Variants in PRCC observed in about 807,000 individuals in gnomAD.
PRCC encodes the protein proline-rich protein PRCC.
In PRCC, 10 loss-of-function variants were observed where a neutral mutation model predicts 44.0. The ratio of observed to expected loss-of-function variants is 0.23; its 90% CI spans 0.14 to 0.39. The LOEUF is 0.39. Ranked by LOEUF, PRCC falls within the 10% of genes least tolerant of loss-of-function variation. PRCC has a pLI of 1.00. For missense variants in PRCC, 573 were observed against 624.7 expected (o/e 0.92, Z 0.88); for synonymous variants, 278 against 259.5 (o/e 1.07, Z -0.69).
intron 6 of PRCC, among the ~76,000 whole-genome samples, chr1:156,797,943 T>TG (rs1285767319): frequency 6.6e-5 from 10 of 151,426 alleles, no homozygotes; most frequent in Non-Finnish European, 1.3e-4. Context: ...CGTATAACAT[T>TG]TTTTTTTTCC....
At chr1:156,797,162 CA>C in intron 5 of PRCC, 113 bp from the exon 6 acceptor site, 3 of 1,248,124 alleles carry the variant, frequency 2.4e-6, no homozygotes, top group Non-Finnish European at 3.5e-6. Flanking sequence ...TTTTCTCCCC[CA>C]GGATTTGGGC....
At chr1:156,774,197 A>G (rs1251512581) in intron 1 of PRCC, among the ~76,000 whole-genome samples, 1 of 42,212 alleles carries the variant, frequency 2.4e-5, no homozygotes, top group East Asian at 1.4e-3. Context: ...TTTTTTTGAG[A>G]CAGAGTCTCT....
chr1:156,780,001 G>A (rs531306410), intron 1 of PRCC, among the ~76,000 whole-genome samples: 2 of 151,738 alleles, frequency 1.3e-5, no homozygotes, highest in South Asian at 4.2e-4. Flanking sequence ...AGCAATTCTT[G>A]TACCTCAGCC....
chr1:156,788,273 A>G (rs554050630), intron 3 of PRCC, among the ~76,000 whole-genome samples: 10 of 152,226 alleles, frequency 6.6e-5, no homozygotes, highest in Admixed American at 2.0e-4. Flanking sequence ...TTCTGTTTCT[A>G]TGTTAATTTG....
chr1:156,779,128 ATTTTTT>A (rs869088692), intron 1 of PRCC, among the ~76,000 whole-genome samples: 181 of 35,708 alleles, frequency 5.1e-3, no homozygotes, highest in South Asian at 0.019. Context: ...ATATATATAT[ATTTTTT>A]TTTTTTTTTT....
At chr1:156,769,288 C>T (rs1405687362) in intron 1 of PRCC, among the ~76,000 whole-genome samples, 1 of 152,250 alleles carries the variant, frequency 6.6e-6, no homozygotes, top group Non-Finnish European at 1.5e-5. Flanking sequence ...GAGGACTTCC[C>T]TAGCCTACTA....
chr1:156,791,050 CCCT>C, intron 3 of PRCC: 1 of 1,365,970 alleles, frequency 7.3e-7, no homozygotes, highest in Non-Finnish European at 9.9e-7. Flanking sequence ...CTTGCCTTCA[CCCT>C]CCTCTTCCTC....
intron 1 of PRCC, among the ~76,000 whole-genome samples, chr1:156,771,935 T>C (rs1016650612): frequency 6.6e-6 from 1 of 152,190 alleles, no homozygotes; most frequent in Non-Finnish European, 1.5e-5. Context: ...TTTGCACATC[T>C]GATTCATTTT....
intron 1 of PRCC, 26 bp from the exon 2 acceptor site, chr1:156,782,256 C>G (rs2274503): frequency 0.67 from 1,057,663 of 1,568,330 alleles, 359,331 homozygotes; most frequent in East Asian, 0.82. Context: ...AACAGTGAGG[C>G]CTTACTTCAT....
At chr1:156,799,373 T>A (rs1415601044) in intron 6 of PRCC, among the ~76,000 whole-genome samples, 1 of 151,500 alleles carries the variant, frequency 6.6e-6, no homozygotes, top group Non-Finnish European at 1.5e-5. Flanking sequence ...AAAACCCATG[T>A]ATGAGTGGAC....
intron 1 of PRCC, among the ~76,000 whole-genome samples, chr1:156,772,127 G>A (rs920196263): frequency 6.6e-6 from 1 of 152,164 alleles, no homozygotes; most frequent in African/African-American, 2.4e-5. Flanking sequence ...CCAAAGTGCT[G>A]GGATTACAGG....
At chr1:156,769,382 G>A (rs536660043) in intron 1 of PRCC, among the ~76,000 whole-genome samples, 51 of 151,920 alleles carry the variant, frequency 3.4e-4, no homozygotes, top group South Asian at 3.1e-3. Context: ...AACATCATCT[G>A]TCCTCCCACT....
Position 156,767,567 on chromosome 1 carries a change from G to C in PRCC, c.-205G>C. ...AGCTGTGTGTAGTTGCCCGGGACTA[G>C]GAGCTTAAGTGAAGAGGTACGCCTT... On this transcript the variant is annotated 5_prime_UTR_variant, in exon 1 of 7. Coordinates refer to ENST00000271526, the MANE Select transcript of PRCC (RefSeq NM_005973.5). 1 of 594,372 alleles carries C rather than the reference G, an allele frequency of 1.7e-6. No individual in the cohort carries two copies. The highest frequency in any genetic ancestry group is 3.1e-5 in the Admixed American group (1 of 31,746). The allele number at this position is 594,372 out of a possible 1,614,324, so 36.8% of individuals were successfully genotyped here. A position where few individuals can be genotyped will look rare whatever the true frequency, so the allele number is the denominator to read the frequency against.
chr1:156,782,200 A>G (rs879029085), intron 1 of PRCC, 82 bp from the exon 2 acceptor site: 38 of 1,321,408 alleles, frequency 2.9e-5, no homozygotes, highest in South Asian at 5.1e-5. Flanking sequence ...CTGTTGTCCA[A>G]CCCTTCATAT....
At chr1:156,797,933 C>T (rs2768767) in intron 6 of PRCC, among the ~76,000 whole-genome samples, 29,803 of 152,112 alleles carry the variant, frequency 0.2, 3,445 homozygotes, top group Non-Finnish European at 0.26. Flanking sequence ...CAAAAATCTG[C>T]GTATAACATT....
In PRCC at chr1:156,786,783, C is replaced by G. The variant is rs760212269; in HGVS notation, c.692C>G (p.Pro231Arg). The G allele has an allele frequency of 7.4e-6, 12 of 1,614,120 alleles. No homozygotes were observed. ...ASKTKTSSLA[P>R]VVGTTTTTPS... ...AAGACCAAGACTTCCTCTCTTGCCC[C>G]TGTTGTGGGCACCACAACCACCACT... Residue 231 changes from proline (P) to arginine (R), a missense_variant, in exon 3 of 7, where the codon CCT (proline) becomes CGT (arginine). Pro to Arg is a moderately radical substitution (Grantham distance 103, BLOSUM62 -2). Coordinates refer to ENST00000271526, the MANE Select transcript of PRCC (RefSeq NM_005973.5).
chr1:156,800,360 C>A lies in PRCC; in HGVS notation c.1390-14C>A. 6.2e-7 allele frequency: 1 copy of A among 1,613,486 alleles called. No individual in the cohort carries two copies. Among genetic ancestry groups the A allele is most frequent in the Non-Finnish European group, 8.5e-7 (1 of 1,179,370 alleles). On this transcript the variant is annotated splice_polypyrimidine_tract_variant and intron_variant, in intron 6 of 6. Coordinates refer to ENST00000271526, the MANE Select transcript of PRCC (RefSeq NM_005973.5). ...TCCAGTTTGACCCTCCCCTACCCTT[C>A]TTCCTTGCCACAGGCCAAGGAGCGG...
At position 156,767,814 on chromosome 1, in the gene PRCC, G is replaced by C; in HGVS notation, c.43G>C (p.Asp15His). The C allele has an allele frequency of 1.2e-6, 2 of 1,610,168 alleles. No homozygotes were observed. The highest frequency in any genetic ancestry group is 1.7e-6 in the Non-Finnish European group (2 of 1,179,096). The change falls in exon 1 of 7, where the codon GAT (aspartate) becomes CAT (histidine). Residue 15 changes from aspartate to histidine, a missense_variant. By Grantham distance (81) the Asp-to-His change is moderately conservative. Transcript: ENST00000271526. ...AYASSDESEPDEAEPEPEEEE... is the reference protein window; with the variant it reads ...AYASSDESEPHEAEPEPEEEE... ...CGCCAGCAGCGATGAGAGCGAGCCG[G>C]ATGAGGCTGAGCCCGAGCCGGAGGA...
chr1:156,782,200 A>C (rs879029085), intron 1 of PRCC, 82 bp from the exon 2 acceptor site: 4 of 1,321,410 alleles, frequency 3.0e-6, no homozygotes, highest in East Asian at 4.7e-5. Flanking sequence ...CTGTTGTCCA[A>C]CCCTTCATAT....
Sources: allele counts gnomAD v4.1 joint callset (sites outside exome capture counted in the v4.1 genomes callset), GRCh38; gene constraint gnomAD v4.1.1; transcripts MANE v1.5; gene names NCBI Gene and HGNC (gene_info 2026-07-23, HGNC 2026-07-21).